ALPK2: variants seen among roughly 807,000 people sequenced by gnomAD.
The protein encoded by ALPK2 is alpha-protein kinase 2.
ALPK2 carries 127 observed loss-of-function variants against 163.1 expected under a neutral mutation model. The ratio of observed to expected loss-of-function variants is 0.78; its 90% CI spans 0.67 to 0.90. The LOEUF is 0.90. Among genes scored for constraint, ALPK2 ranks in the 40% least tolerant of loss-of-function variants. The probability of loss-of-function intolerance (pLI) is 0.00; values close to 1 mark genes in which losing one functional copy is unlikely to be tolerated. For synonymous variants in ALPK2, 953 were observed against 959.1 expected (o/e 0.99, Z 0.12); for missense variants, 2,360 against 2,589.6 (o/e 0.91, Z 1.92).
chr18:58,534,137 T>C (rs2051630462), intron 5 of ALPK2, among the ~76,000 whole-genome samples: 1 of 144,112 alleles, frequency 6.9e-6, no homozygotes, highest in African/African-American at 2.5e-5. Context: ...TAGAATTAAC[T>C]GCAATTTCAG....
At chr18:58,585,964 A>G (rs1232589884) in intron 3 of ALPK2, among the ~76,000 whole-genome samples, 1 of 152,216 alleles carries the variant, frequency 6.6e-6, no homozygotes, top group Non-Finnish European at 1.5e-5. Context: ...GATTACGGGC[A>G]TGAGCCACAA....
At chr18:58,515,622 T>G (rs1489758141) in intron 9 of ALPK2, among the ~76,000 whole-genome samples, 2 of 152,090 alleles carry the variant, frequency 1.3e-5, no homozygotes, top group Admixed American at 6.6e-5. Flanking sequence ...GAGGGAATAC[T>G]GAGAGAGAAA....
chr18:58,556,108 C>T (rs2051789478), intron 4 of ALPK2, among the ~76,000 whole-genome samples: 1 of 152,124 alleles, frequency 6.6e-6, no homozygotes, highest in Non-Finnish European at 1.5e-5. Context: ...AGGTTTGAGC[C>T]ACCACGCCCA....
At chr18:58,548,136 G>T (rs1261368889) in intron 4 of ALPK2, among the ~76,000 whole-genome samples, 1 of 152,144 alleles carries the variant, frequency 6.6e-6, no homozygotes, top group African/African-American at 2.4e-5. Flanking sequence ...GTACAGCAGT[G>T]ATGGTATTCG....
chr18:58,520,321 T>G (rs532650242), intron 8 of ALPK2, among the ~76,000 whole-genome samples: 2 of 148,770 alleles, frequency 1.3e-5, no homozygotes, highest in Admixed American at 1.4e-4. Context: ...TCCAACTACT[T>G]GGGAGACTGA....
chr18:58,553,218 T>C (rs997035307), intron 4 of ALPK2, among the ~76,000 whole-genome samples: 13 of 152,154 alleles, frequency 8.5e-5, no homozygotes, highest in African/African-American at 2.9e-4. Flanking sequence ...TGTGAGAAAA[T>C]AAATGTCTGA....
At chr18:58,522,239 C>T (rs1463325664) in intron 8 of ALPK2, among the ~76,000 whole-genome samples, 1 of 152,164 alleles carries the variant, frequency 6.6e-6, no homozygotes, top group Non-Finnish European at 1.5e-5. Flanking sequence ...ACGGGCGGCT[C>T]TTCCCAGTCC....
chr18:58,623,249 T>G (rs1265524540), intron 1 of ALPK2, among the ~76,000 whole-genome samples: 1 of 152,114 alleles, frequency 6.6e-6, no homozygotes, highest in African/African-American at 2.4e-5. Flanking sequence ...AAGATTTTTT[T>G]TTAATAGAGA....
chr18:58,572,764 CT>C (rs914146662), intron 4 of ALPK2, among the ~76,000 whole-genome samples: 8 of 152,090 alleles, frequency 5.3e-5, no homozygotes, highest in African/African-American at 1.7e-4. Context: ...TGCAAGGGAT[CT>C]TTGTGGTAAT....
intron 10 of ALPK2, chr18:58,512,257 G>A (rs1453170215): frequency 6.6e-6 from 1 of 152,224 alleles, no homozygotes; most frequent in African/African-American, 2.4e-5. Flanking sequence ...AGAAACAAGA[G>A]CTGGGCATTA....
At chr18:58,514,325 T>C (rs981116556) in intron 10 of ALPK2, among the ~76,000 whole-genome samples, 2 of 152,226 alleles carry the variant, frequency 1.3e-5, no homozygotes, top group Non-Finnish European at 2.9e-5. Flanking sequence ...CATAGGTAAA[T>C]AGCTGCTCTG....
intron 4 of ALPK2, among the ~76,000 whole-genome samples, chr18:58,569,847 CTGGCTGGGCGCGGTGGCTCA>C (rs2051875935): frequency 6.6e-6 from 1 of 152,128 alleles, no homozygotes; most frequent in Non-Finnish European, 1.5e-5. Context: ...CTCCGCCCTT[CTGGCTGGGCGCGGTGGCTCA>C]TGCCTGTAAT....
At chr18:58,516,712 G>T (rs762557102) in intron 9 of ALPK2, among the ~76,000 whole-genome samples, 196 bp downstream of exon 9, 1 of 152,216 alleles carries the variant, frequency 6.6e-6, no homozygotes, top group African/African-American at 2.4e-5. Flanking sequence ...TGAGTCCCCA[G>T]TAGCTGGCAT....
intron 5 of ALPK2, 46 bp downstream of exon 5, chr18:58,534,788 C>T (rs527472795): frequency 6.5e-7 from 1 of 1,550,100 alleles, no homozygotes; most frequent in African/African-American, 1.4e-5. Context: ...GATACCTGGT[C>T]TACAAGCCCA....
intron 11 of ALPK2, among the ~76,000 whole-genome samples, chr18:58,500,324 C>A (rs903348676): frequency 1.3e-5 from 2 of 151,648 alleles, no homozygotes; most frequent in African/African-American, 4.8e-5. Flanking sequence ...AATTACAGCT[C>A]TAAGCCGTAT....
At chr18:58,562,440 C>G (rs2051830127) in intron 4 of ALPK2, among the ~76,000 whole-genome samples, 1 of 152,146 alleles carries the variant, frequency 6.6e-6, no homozygotes, top group African/African-American at 2.4e-5. Flanking sequence ...CAGAAAAATG[C>G]CTTACTGAAG....
chr18:58,516,811 G>A, intron 9 of ALPK2, 97 bp downstream of exon 9: 1 of 1,382,200 alleles, frequency 7.2e-7, no homozygotes, highest in East Asian at 2.3e-5. Flanking sequence ...ACACCCTTTT[G>A]AAGATATTCC....
Position 58,535,010 on chromosome 18 carries a change from C to T in ALPK2, c.5177G>A (p.Gly1726Glu), listed in dbSNP as rs1019466679. ...CCTGGACAAAATTTTCTTCTTTACTCCCTCAGCTAAATGTCCACTGCCTGG... is the reference window on the plus strand; with the variant it reads ...CCTGGACAAAATTTTCTTCTTTACTTCCTCAGCTAAATGTCCACTGCCTGG... ...EAPGSGHLAE[G>E]VKKKILSRVA... The change falls in exon 5 of 13, where the codon GGA becomes GAA. Residue 1726 changes from glycine to glutamate, a missense_variant. Coordinates refer to ENST00000361673, the MANE Select transcript of ALPK2 (RefSeq NM_052947.4). 5 of 1,614,132 alleles carry T rather than the reference C, an allele frequency of 3.1e-6. No homozygotes were observed. Among genetic ancestry groups the T allele is most frequent in the Non-Finnish European group, 3.4e-6 (4 of 1,180,014 alleles).
At position 58,580,510 on chromosome 18, in the gene ALPK2, G is replaced by A; in HGVS notation, c.266C>T (p.Ala89Val). 2.5e-6 allele frequency: 4 copies of A among 1,613,984 alleles called. No homozygotes were observed. The highest frequency in any genetic ancestry group is 3.4e-6 in the Non-Finnish European group (4 of 1,179,938). The change falls in exon 4 of 13, where the codon GCT (alanine) becomes GTT (valine). Residue 89 changes from alanine to valine, a missense_variant. Physicochemically the swap from Ala to Val is moderately conservative, Grantham distance 64. Coordinates refer to ENST00000361673, the MANE Select transcript of ALPK2 (RefSeq NM_052947.4). The stretch of plus-strand genomic sequence containing the variant: ...ACAGATCATTCCAAAAGAGTTTTTA[G>A]CCGAGATTTGATAGACAGCAGCATC... ...KNDAAVYQIS[A>V]KNSFGMICCS...
Sources: allele counts gnomAD v4.1 joint callset (sites outside exome capture counted in the v4.1 genomes callset), GRCh38; gene constraint gnomAD v4.1.1; transcripts MANE v1.5; gene names NCBI Gene and HGNC (gene_info 2026-07-23, HGNC 2026-07-21).